The following PRKAR2A variants were observed in gnomAD, a reference collection of about 807,000 sequenced individuals.
The protein encoded by PRKAR2A is cAMP-dependent protein kinase type II-alpha regulatory subunit.
A neutral mutation model predicts 51.9 loss-of-function variants in PRKAR2A; 29 were observed. The observed-to-expected ratio is 0.56, with a 90% CI of 0.42 to 0.76. PRKAR2A has a LOEUF of 0.76. Among genes scored for constraint, PRKAR2A ranks in the 30% least tolerant of loss-of-function variants. The pLI, the probability that PRKAR2A is intolerant of heterozygous loss-of-function variation, is 0.00. For missense variants in PRKAR2A, 445 were observed against 512.1 expected (o/e 0.87, Z 1.26); for synonymous variants, 178 against 186.2 (o/e 0.96, Z 0.36).
chr3:48,746,536 G>A (rs1329992441), downstream of PRKAR2A: 1 of 152,116 alleles, frequency 6.6e-6, no homozygotes, highest in Non-Finnish European at 1.5e-5. Flanking sequence ...CTGGAGCCCT[G>A]AAGCAAAATG....
intron 2 of PRKAR2A, among the ~76,000 whole-genome samples, chr3:48,801,618 G>C (rs1373094396): frequency 3.3e-5 from 5 of 152,056 alleles, no homozygotes; most frequent in Admixed American, 2.0e-4. Flanking sequence ...TTTATTTTGA[G>C]ACTGAGTCTT....
At position 48,746,621 on chromosome 3, in the gene PRKAR2A, G is replaced by A. The variant is rs1228350368; in HGVS notation, c.*4964C>T. On this transcript the variant is annotated 3_prime_UTR_variant, in exon 11 of 11. Transcript: ENST00000265563. ...GCCTTTATTAATCAAGAGTAAAGCCGAGCCCTAGGGTTTCCTTAACAACAA... is the reference window on the plus strand; with the variant it reads ...GCCTTTATTAATCAAGAGTAAAGCCAAGCCCTAGGGTTTCCTTAACAACAA... 1.3e-5 allele frequency: 2 copies of A among 152,130 alleles called. No homozygotes were observed. Among genetic ancestry groups the A allele is most frequent in the Non-Finnish European group, 2.9e-5 (2 of 68,032 alleles). 9.4% of individuals were successfully genotyped at this position (152,130 alleles called of 1,614,324 possible). A position where few individuals can be genotyped will look rare whatever the true frequency, so the allele number is the denominator to read the frequency against.
intron 1 of PRKAR2A, among the ~76,000 whole-genome samples, chr3:48,835,567 G>C (rs544878617): frequency 6.6e-6 from 1 of 150,902 alleles, no homozygotes; most frequent in East Asian, 2.0e-4. Flanking sequence ...TGTGACCCAG[G>C]AGGCAGAACT....
chr3:48,770,705 C>T (rs2082017457), intron 6 of PRKAR2A, among the ~76,000 whole-genome samples: 1 of 152,078 alleles, frequency 6.6e-6, no homozygotes, highest in African/African-American at 2.4e-5. Context: ...GAATAGGAGT[C>T]TTAGGAAAGG....
chr3:48,798,762 G>T (rs1164548797), intron 2 of PRKAR2A, among the ~76,000 whole-genome samples: 1 of 151,660 alleles, frequency 6.6e-6, no homozygotes, highest in African/African-American at 2.4e-5. Flanking sequence ...CCGGGTTCAG[G>T]TGATTCTCGT....
chr3:48,815,461 C>A (rs2082858830), intron 1 of PRKAR2A, among the ~76,000 whole-genome samples: 1 of 151,252 alleles, frequency 6.6e-6, no homozygotes, highest in Non-Finnish European at 1.5e-5. Context: ...CTTTGGGAGG[C>A]TGAGGCGGGC....
At chr3:48,781,393 G>A (rs2082194911) in intron 5 of PRKAR2A, among the ~76,000 whole-genome samples, 2 of 151,648 alleles carry the variant, frequency 1.3e-5, no homozygotes, top group South Asian at 4.2e-4. Flanking sequence ...CCAGGCTGGA[G>A]TGCAGTGGCG....
At chr3:48,768,495 C>T (rs545658861) in intron 6 of PRKAR2A, among the ~76,000 whole-genome samples, 3 of 151,328 alleles carry the variant, frequency 2.0e-5, no homozygotes, top group South Asian at 2.1e-4. Context: ...GTCAGGAGTT[C>T]GAGACCAGCC....
chr3:48,753,674 C>A (rs1228217607), intron 9 of PRKAR2A, among the ~76,000 whole-genome samples: 2 of 152,132 alleles, frequency 1.3e-5, no homozygotes, highest in Non-Finnish European at 2.9e-5. Context: ...CGCAGGTTTT[C>A]TCGCAATGCA....
In PRKAR2A at chr3:48,756,413, T is replaced by A; in HGVS notation, c.905A>T (p.Glu302Val). The change falls in exon 9 of 11, where the codon GAG (glutamate) becomes GTG (valine). Residue 302 changes from glutamate (E) to valine (V), a missense_variant. Physicochemically the swap from Glu to Val is moderately radical, Grantham distance 121. Coordinates refer to ENST00000265563, the MANE Select transcript of PRKAR2A (RefSeq NM_004157.4). ...AATCAAGATGCTCACTTCGCCAGAC[T>A]CTATGATGTAAAAGCTATCAGCCTT... ...GEKADSFYII[E>V]SGEVSILIRS... 7 of 1,614,010 alleles carry A rather than the reference T, an allele frequency of 4.3e-6. No homozygotes were observed. The highest frequency in any genetic ancestry group is 5.9e-6 in the Non-Finnish European group (7 of 1,179,976).
chr3:48,789,862 C>T (rs1218919252), intron 4 of PRKAR2A, among the ~76,000 whole-genome samples: 1 of 150,924 alleles, frequency 6.6e-6, no homozygotes, highest in Non-Finnish European at 1.5e-5. Context: ...CCTTTTGTTC[C>T]TTCCTTCCTT....
chr3:48,770,305 T>G (rs1221890450), intron 6 of PRKAR2A, among the ~76,000 whole-genome samples: 2 of 152,170 alleles, frequency 1.3e-5, no homozygotes, highest in Admixed American at 6.6e-5. Context: ...TACTCTCTCC[T>G]GTGACTGCAG....
chr3:48,761,815 G>A (rs993909228), intron 8 of PRKAR2A, among the ~76,000 whole-genome samples: 8 of 152,004 alleles, frequency 5.3e-5, no homozygotes, highest in South Asian at 2.1e-4. Context: ...ACGAGGTTTC[G>A]CCATGTTGGC....
intron 1 of PRKAR2A, among the ~76,000 whole-genome samples, chr3:48,844,607 A>G (rs1158736541): frequency 3.4e-4 from 51 of 148,264 alleles, no homozygotes; most frequent in African/African-American, 1.2e-3. Flanking sequence ...ACAATGATAG[A>G]CTGGATTAAG....
chr3:48,786,647 A>T (rs919044667), intron 4 of PRKAR2A, among the ~76,000 whole-genome samples: 11 of 151,006 alleles, frequency 7.3e-5, no homozygotes, highest in African/African-American at 2.4e-4. Context: ...AATAAAAAAT[A>T]AAAAAAAATT....
Sources: gnomAD v4.1 joint callset for allele counts (sites outside exome capture counted in the v4.1 genomes callset) on GRCh38, gnomAD v4.1.1 for gene constraint, MANE v1.5 for transcripts, NCBI Gene and HGNC (gene_info 2026-07-23, HGNC 2026-07-21) for gene names.